The following DARS1 variants were observed in gnomAD, a reference collection of about 807,000 sequenced individuals.
DARS1 encodes aspartyl-tRNA synthetase 1, also known as aspartate--tRNA ligase, cytoplasmic.
DARS1 carries 51 observed loss-of-function variants against 68.8 expected under a neutral mutation model. That is an observed-to-expected ratio of 0.74 (90% CI 0.59 to 0.94). The LOEUF is 0.94. Ranked by LOEUF, DARS1 falls within the 40% of genes least tolerant of loss-of-function variation. The pLI is 0.00. For missense variants in DARS1, 607 were observed against 597.3 expected, an observed-to-expected ratio of 1.02 and a Z score of -0.17; for synonymous variants, 203 against 190.4, an observed-to-expected ratio of 1.07 and a Z score of -0.55.
intron 10 of DARS1, among the ~76,000 whole-genome samples, chr2:135,917,771 C>G (rs1558778237): frequency 6.6e-6 from 1 of 151,942 alleles, no homozygotes; most frequent in Non-Finnish European, 1.5e-5. Context: ...GCACCATGCC[C>G]GGCCTAGAAT....
chr2:135,933,903 T>C lies in DARS1; in HGVS notation c.504+7A>G. ...GAAGCATAATATTTCATAAGTATAA[T>C]TTTTACCTCTTCTCCTTCTGCCTCA... On this transcript the variant is annotated splice_region_variant and intron_variant, in intron 6 of 15. Coordinates refer to ENST00000264161, the MANE Select transcript of DARS1 (RefSeq NM_001349.4). 1.2e-6 allele frequency: 2 copies of C among 1,611,666 alleles called. No individual in the cohort carries two copies. The highest frequency in any genetic ancestry group is 1.7e-6 in the Non-Finnish European group (2 of 1,178,598).
intron 10 of DARS1, among the ~76,000 whole-genome samples, chr2:135,917,485 T>C (rs1424690673): frequency 6.6e-6 from 1 of 152,222 alleles, no homozygotes; most frequent in African/African-American, 2.4e-5. Context: ...TTTATTTTTT[T>C]TAATTTCTGA....
At chr2:135,928,194 A>T (rs1475454341) in intron 7 of DARS1, among the ~76,000 whole-genome samples, 3 of 152,204 alleles carry the variant, frequency 2.0e-5, no homozygotes, top group Admixed American at 6.5e-5. Flanking sequence ...TAGTTAAGAT[A>T]CCCACTATAT....
At chr2:135,960,400 G>A (rs980754267) in intron 4 of DARS1, among the ~76,000 whole-genome samples, 1 of 152,092 alleles carries the variant, frequency 6.6e-6, no homozygotes, top group East Asian at 1.9e-4. Context: ...GAGGGTCAGG[G>A]AGGGCTGAAA....
rs775263372 is a variant in DARS1 at position 135,924,383 on chromosome 2, A to G, written c.676+4T>C. On this transcript the variant is annotated splice_donor_region_variant and intron_variant, in intron 8 of 15. Transcript: ENST00000264161. ...AAAATTAAGAGAAATATTTTGAAGC[A>G]TACCTGAAATAATTTTAGGAGTTTG... 4.4e-6 allele frequency: 7 copies of G among 1,589,750 alleles called. No individual in the cohort carries two copies. The East Asian group carries it at 6.8e-5, about 15-fold the overall frequency.
chr2:135,954,102 C>T (rs899226047), intron 4 of DARS1, among the ~76,000 whole-genome samples: 2 of 151,132 alleles, frequency 1.3e-5, no homozygotes, highest in Non-Finnish European at 2.9e-5. Context: ...AGTTTTGACT[C>T]GTAATACCTT....
chr2:135,928,983 T>C (rs909792858), intron 7 of DARS1, among the ~76,000 whole-genome samples: 1 of 152,196 alleles, frequency 6.6e-6, no homozygotes, highest in Admixed American at 6.5e-5. Context: ...TTACATATAA[T>C]AACAACTGCA....
chr2:135,928,673 T>C (rs1384316146), intron 7 of DARS1, among the ~76,000 whole-genome samples: 1 of 136,326 alleles, frequency 7.3e-6, no homozygotes, highest in African/African-American at 2.7e-5. Flanking sequence ...TTCTTTTTCC[T>C]TTTTTTTTTT....
Position 135,963,252 on chromosome 2 carries a change from T to A in DARS1, c.218-1754A>T, listed in dbSNP as rs116460118. ...GGGAAAATTATTAAACCACTTTATA[T>A]CTCAGTTCTTCATCTGGAAAATGGA... is the stretch of plus-strand genomic sequence containing the variant. On this transcript the variant is annotated intron_variant, in intron 3 of 15. Transcript: ENST00000264161. Among the ~76,000 whole-genome samples the A allele has an allele frequency of 9.6e-3, 1,458 of 152,332 alleles. 14 individuals are homozygous for A. The highest frequency in any genetic ancestry group is 0.041 in the Middle Eastern group (12 of 294).
At chr2:135,934,795 A>ATT (rs1014128109) in intron 5 of DARS1, among the ~76,000 whole-genome samples, 3 of 138,458 alleles carry the variant, frequency 2.2e-5, no homozygotes, top group Non-Finnish European at 3.2e-5. Context: ...ACTTGCTATC[A>ATT]TTTTTTTTTT....
At chr2:135,967,860 A>G (rs1290971212) in intron 3 of DARS1, among the ~76,000 whole-genome samples, 3 of 152,194 alleles carry the variant, frequency 2.0e-5, no homozygotes, top group Non-Finnish European at 4.4e-5. Flanking sequence ...AACGATCCCA[A>G]GTAAGTCATA....
At chr2:135,937,200 T>C (rs1490641634) in intron 5 of DARS1, among the ~76,000 whole-genome samples, 1 of 152,116 alleles carries the variant, frequency 6.6e-6, no homozygotes, top group Non-Finnish European at 1.5e-5. Context: ...GCAATTCTCT[T>C]GCCTCAGCCT....
intron 4 of DARS1, among the ~76,000 whole-genome samples, chr2:135,957,025 A>G (rs917072489): frequency 1.3e-5 from 2 of 151,980 alleles, no homozygotes; most frequent in African/African-American, 2.4e-5. Context: ...TTGGCCTTCC[A>G]TAGTGCTGGG....
chr2:135,927,159 C>T (rs773537976), intron 7 of DARS1, among the ~76,000 whole-genome samples: 5 of 152,100 alleles, frequency 3.3e-5, no homozygotes, highest in African/African-American at 1.2e-4. Context: ...GACTTCTACA[C>T]GTGTGTAAGA....
chr2:135,979,607 C>A (rs1457117240), intron 2 of DARS1, among the ~76,000 whole-genome samples: 1 of 152,180 alleles, frequency 6.6e-6, no homozygotes, highest in African/African-American at 2.4e-5. Context: ...TCTTCACTGC[C>A]GCCATACTAA....
chr2:135,917,325 C>A (rs1681026500), intron 10 of DARS1, among the ~76,000 whole-genome samples: 1 of 151,968 alleles, frequency 6.6e-6, no homozygotes, highest in Admixed American at 6.6e-5. Flanking sequence ...TTCATGGGGG[C>A]TCATTAGACT....
Position 135,911,164 on chromosome 2 carries a change from G to T in DARS1, c.1389C>A (p.Ala463=). 1 of 1,535,014 alleles carries T rather than the reference G, an allele frequency of 6.5e-7. No individual in the cohort carries two copies. The highest frequency in any genetic ancestry group is 9.0e-7 in the Non-Finnish European group (1 of 1,108,458). Reference sequence around the variant, plus strand: ...CAATGCCTCCACCAGCATGAGGAGGGGCTCCAAAGCGGAAGGAATCAATGT... The same window carrying T: ...CAATGCCTCCACCAGCATGAGGAGGTGCTCCAAAGCGGAAGGAATCAATGT... The part of the protein sequence containing the change: ...KAYIDSFRFG[A]PPHAGGGIGL... The change falls in exon 15 of 16, where the codon GCC becomes GCA. Residue 463 remains alanine (A), a synonymous_variant. Transcript: ENST00000264161.
chr2:135,906,709 A>G lies in DARS1; in HGVS notation c.*607T>C, dbSNP rs1680787614. ...AGCTTTAAAATTTTATTGAAATTCA[A>G]GTTTAGAATTTAACAAATTAATACA... On this transcript the variant is annotated 3_prime_UTR_variant, in exon 16 of 16. Transcript: ENST00000264161. The G allele has an allele frequency of 6.6e-6, 1 of 152,342 alleles. No homozygotes were observed. Among genetic ancestry groups the G allele is most frequent in the South Asian group, 2.1e-4 (1 of 4,834 alleles). 9.4% of individuals were successfully genotyped at this position (152,342 alleles called of 1,614,324 possible).
intron 3 of DARS1, among the ~76,000 whole-genome samples, chr2:135,965,438 C>A (rs1370697614): frequency 1.3e-5 from 2 of 151,884 alleles, no homozygotes; most frequent in Non-Finnish European, 2.9e-5. Flanking sequence ...AAGAAAAAAA[C>A]CATAGTAAGT....
Sources: allele counts gnomAD v4.1 joint callset (sites outside exome capture counted in the v4.1 genomes callset), GRCh38; gene constraint gnomAD v4.1.1; transcripts MANE v1.5; gene names NCBI Gene and HGNC (gene_info 2026-07-23, HGNC 2026-07-21).